Variants in LRRC49 observed in about 807,000 individuals in gnomAD.
LRRC49 encodes the protein leucine-rich repeat-containing protein 49.
Under a neutral mutation model 83.3 loss-of-function variants are expected in LRRC49, and 50 were observed. That is an observed-to-expected ratio of 0.60 (90% confidence interval 0.48 to 0.76). The LOEUF (loss-of-function observed/expected upper bound fraction) is 0.76. Among genes scored for constraint, LRRC49 ranks in the 30% least tolerant of loss-of-function variants. The probability of loss-of-function intolerance (pLI) is 0.00; values close to 1 mark genes in which losing one functional copy is unlikely to be tolerated. For missense variants in LRRC49, 704 were observed against 809.1 expected (o/e 0.87, Z 1.58); for synonymous variants, 286 against 283.3 (o/e 1.01, Z -0.10).
At chr15:70,955,933 A>T (rs1011164251) in intron 8 of LRRC49, among the ~76,000 whole-genome samples, 1 of 152,182 alleles carries the variant, frequency 6.6e-6, no homozygotes, top group African/African-American at 2.4e-5. Context: ...AGCACGCTTG[A>T]TGATTTATTC....
intron 14 of LRRC49, among the ~76,000 whole-genome samples, chr15:71,034,779 G>A (rs774648634): frequency 5.3e-5 from 8 of 152,138 alleles, no homozygotes; most frequent in East Asian, 3.8e-4. Flanking sequence ...TAGCCTCAGC[G>A]GACTAACACA....
chr15:70,920,467 A>G (rs1394499558), intron 7 of LRRC49, among the ~76,000 whole-genome samples: 1 of 152,180 alleles, frequency 6.6e-6, no homozygotes, highest in African/African-American at 2.4e-5. Flanking sequence ...GATTGGGTTA[A>G]CCTGTTATGT....
intron 7 of LRRC49, among the ~76,000 whole-genome samples, chr15:70,927,186 C>G (rs2035233659): frequency 6.6e-6 from 1 of 152,140 alleles, no homozygotes; most frequent in Admixed American, 6.5e-5. Context: ...AAATCCTTGC[C>G]AAAGTTTGTC....
upstream of LRRC49, among the ~76,000 whole-genome samples, chr15:70,889,032 T>G (rs1163309718): frequency 6.6e-6 from 1 of 152,168 alleles, no homozygotes; most frequent in Non-Finnish European, 1.5e-5. Context: ...TTTAGAAAAC[T>G]ATTTGGTATT....
At chr15:70,913,816 C>CT (rs1479274429) in intron 6 of LRRC49, among the ~76,000 whole-genome samples, 2 of 152,074 alleles carry the variant, frequency 1.3e-5, no homozygotes, top group African/African-American at 4.8e-5. Flanking sequence ...TCTAATATAT[C>CT]TTTAAGAGTT....
At chr15:70,976,743 A>T (rs976583479) in intron 9 of LRRC49, among the ~76,000 whole-genome samples, 3 of 152,078 alleles carry the variant, frequency 2.0e-5, no homozygotes, top group Admixed American at 2.0e-4. Context: ...TGTAAAGGAT[A>T]TGGCTTTTGT....
At chr15:70,936,526 T>C (rs1596039386) in intron 7 of LRRC49, 1 of 416,644 alleles carries the variant, frequency 2.4e-6, no homozygotes, top group Non-Finnish European at 4.3e-6. Context: ...CGTCTCTCCC[T>C]GTCTCCTCAG....
chr15:70,975,608 G>T (rs962054163), intron 9 of LRRC49, among the ~76,000 whole-genome samples: 3 of 152,060 alleles, frequency 2.0e-5, no homozygotes, highest in Admixed American at 2.0e-4. Context: ...CAGGAGGATC[G>T]CTTGAACCCA....
chr15:70,926,976 GA>G (rs1348152395), intron 7 of LRRC49, among the ~76,000 whole-genome samples: 1 of 152,080 alleles, frequency 6.6e-6, no homozygotes, highest in Admixed American at 6.6e-5. Flanking sequence ...ACAGACACAT[GA>G]AAAAATGCTT....
At chr15:70,921,991 T>A (rs911305288) in intron 7 of LRRC49, among the ~76,000 whole-genome samples, 2 of 152,142 alleles carry the variant, frequency 1.3e-5, no homozygotes, top group Non-Finnish European at 2.9e-5. Context: ...CTTTAAAAAT[T>A]ATGAAGTGTC....
In LRRC49 at chr15:70,984,156, A is replaced by G; in HGVS notation, c.1068A>G (p.Val356=). The stretch of plus-strand genomic sequence containing the variant: ...AGTGGGACTTGCAACAACAACGAGT[A>G]GCCAATATTGCTACAAATGAAGATA... ...ARQWDLQQQR[V]ANIATNEDRK... The change falls in exon 11 of 16, where the codon GTA becomes GTG. Residue 356 remains valine (V), a synonymous_variant. Transcript: ENST00000260382. The G allele has an allele frequency of 1.9e-6, 3 of 1,613,292 alleles. No individual in the cohort carries two copies. The highest frequency in any genetic ancestry group is 8.5e-7 in the Non-Finnish European group (1 of 1,179,456).
intron 11 of LRRC49, among the ~76,000 whole-genome samples, chr15:70,992,704 G>A (rs147272728): frequency 1.3e-5 from 2 of 152,352 alleles, no homozygotes; most frequent in African/African-American, 4.8e-5. Context: ...AGCGAATATT[G>A]CTCAACAGAA....
intron 14 of LRRC49, among the ~76,000 whole-genome samples, chr15:71,017,313 A>G (rs2038858365): frequency 6.6e-6 from 1 of 152,168 alleles, no homozygotes; most frequent in African/African-American, 2.4e-5. Flanking sequence ...TATATCTTAG[A>G]AAGGCATTTA....
chr15:70,894,450 AT>A (rs1033151386), intron 2 of LRRC49: 2 of 337,604 alleles, frequency 5.9e-6, no homozygotes, highest in Non-Finnish European at 1.1e-5. Flanking sequence ...TGAATATGAG[AT>A]TTTTTTCCCC....
upstream of LRRC49, among the ~76,000 whole-genome samples, chr15:70,887,752 G>A (rs1198058237): frequency 1.3e-5 from 2 of 152,158 alleles, no homozygotes; most frequent in South Asian, 2.1e-4. Flanking sequence ...CAGTGCAACA[G>A]GAAGAATACG....
chr15:70,870,099 C>T (rs973756647), intron 1 of LRRC49, among the ~76,000 whole-genome samples: 1 of 152,196 alleles, frequency 6.6e-6, no homozygotes, highest in Non-Finnish European at 1.5e-5. Flanking sequence ...ATCCAGAGGA[C>T]AATTTAAGTT....
chr15:70,861,914 G>A (rs111413074), intron 1 of LRRC49, among the ~76,000 whole-genome samples: 27 of 152,216 alleles, frequency 1.8e-4, no homozygotes, highest in African/African-American at 5.3e-4. Flanking sequence ...GACAGAGTGA[G>A]ACTCTGTCTT....
At chr15:70,942,322 AAATT>A (rs2141166873) in intron 8 of LRRC49, among the ~76,000 whole-genome samples, 1 of 152,272 alleles carries the variant, frequency 6.6e-6, no homozygotes, top group African/African-American at 2.4e-5. Context: ...AAGGGCCTTA[AAATT>A]AATTACTCAT....
intron 9 of LRRC49, among the ~76,000 whole-genome samples, chr15:70,966,441 A>C (rs746572884): frequency 6.6e-6 from 1 of 152,088 alleles, no homozygotes; most frequent in Non-Finnish European, 1.5e-5. Flanking sequence ...CTGAATTTTC[A>C]GTAGTTGTTG....
Sources: allele counts gnomAD v4.1 joint callset (sites outside exome capture counted in the v4.1 genomes callset), GRCh38; gene constraint gnomAD v4.1.1; transcripts MANE v1.5; gene names NCBI Gene and HGNC (gene_info 2026-07-23, HGNC 2026-07-21).